The following CRB1 variants were observed in gnomAD, a reference collection of about 807,000 sequenced individuals.
CRB1 encodes protein crumbs homolog 1.
In CRB1, 83 loss-of-function variants were observed where a neutral mutation model predicts 120.0. The observed-to-expected ratio is 0.69, with a 90% CI of 0.58 to 0.83. CRB1 has a LOEUF of 0.83. Among genes scored for constraint, CRB1 ranks in the 40% least tolerant of loss-of-function variants. CRB1 has a pLI of 0.00. For synonymous variants in CRB1, 625 were observed against 612.5 expected (o/e 1.02, Z -0.30); for missense variants, 1,699 against 1,687.6 (o/e 1.01, Z -0.12).
At chr1:197,336,804 T>G (rs1358393345) in intron 2 of CRB1, among the ~76,000 whole-genome samples, 1 of 152,152 alleles carries the variant, frequency 6.6e-6, no homozygotes, top group Non-Finnish European at 1.5e-5. Flanking sequence ...ATAAACATCA[T>G]GCTGTGGAAG....
chr1:197,347,321 A>C lies in CRB1; in HGVS notation c.849-19A>C. The stretch of plus-strand genomic sequence containing the variant: ...CAATATGACTAAGAGTTGACATGAA[A>C]ATTTCATTTACTTTCCAGATATAGC... On this transcript the variant is annotated intron_variant, in intron 3 of 11. Transcript: ENST00000367400. The C allele has an allele frequency of 6.2e-7, 1 of 1,611,666 alleles. No homozygotes were observed. Among genetic ancestry groups the C allele is most frequent in the Non-Finnish European group, 8.5e-7 (1 of 1,177,812 alleles).
At chr1:197,231,258 T>A in the CRB1 span, among the ~76,000 whole-genome samples, 20 of 152,208 alleles carry the variant, frequency 1.3e-4, no homozygotes, top group Non-Finnish European at 2.5e-4. Context: ...TAAAATTATT[T>A]TTAGGGTTGC....
At chr1:197,348,894 TAAG>T (rs1028129302) in intron 4 of CRB1, among the ~76,000 whole-genome samples, 1 of 137,122 alleles carries the variant, frequency 7.3e-6, no homozygotes, top group Non-Finnish European at 1.5e-5. Flanking sequence ...TCTAGTACAC[TAAG>T]GTTAGTTTTT....
the CRB1 span, among the ~76,000 whole-genome samples, chr1:197,245,063 A>G: frequency 6.6e-6 from 1 of 150,516 alleles, no homozygotes; most frequent in East Asian, 2.0e-4. Flanking sequence ...GATACTTTCT[A>G]TTTCTTTTTT....
At chr1:197,392,937 C>T (rs1201344552) in intron 5 of CRB1, among the ~76,000 whole-genome samples, 6 of 151,980 alleles carry the variant, frequency 3.9e-5, no homozygotes, top group East Asian at 3.9e-4. Flanking sequence ...CTTGTAAATT[C>T]GGCACTTGAT....
chr1:197,425,876 T>C (rs956885187), intron 6 of CRB1, among the ~76,000 whole-genome samples: 1 of 152,024 alleles, frequency 6.6e-6, no homozygotes, highest in African/African-American at 2.4e-5. Flanking sequence ...TAATATGGTT[T>C]GGATGTATGC....
chr1:197,429,094 T>A lies in CRB1; in HGVS notation c.2677-355T>A, dbSNP rs143579873. The A allele has an allele frequency of 1.6e-4, 235 of 1,510,578 alleles. No homozygotes were observed. In the African/African-American group the frequency reaches 2.5e-3, roughly 16 times the overall value. The allele number at this position is 1,510,578 out of a possible 1,614,324, so 93.6% of individuals were successfully genotyped here. ...AACTGGAAACACCTTCTTTTTATCA[T>A]CTATAAAACCAGGAGTAAGAATCCC... is the stretch of plus-strand genomic sequence containing the variant. On this transcript the variant is annotated intron_variant, in intron 7 of 11. Coordinates refer to ENST00000367400, the MANE Select transcript of CRB1 (RefSeq NM_201253.3).
At chr1:197,318,414 G>A (rs1657982300) in intron 1 of CRB1, among the ~76,000 whole-genome samples, 1 of 152,146 alleles carries the variant, frequency 6.6e-6, no homozygotes, top group East Asian at 1.9e-4. Flanking sequence ...AATGAGTACA[G>A]CCATTTTGGA....
At chr1:197,428,095 A>C in intron 7 of CRB1, 94 bp downstream of exon 7, 4 of 1,165,438 alleles carry the variant, frequency 3.4e-6, no homozygotes, top group South Asian at 1.3e-5. Flanking sequence ...TTGTATATAA[A>C]GATGATGTTA....
At chr1:197,300,242 A>G (rs1396800976) in intron 1 of CRB1, among the ~76,000 whole-genome samples, 2 of 152,010 alleles carry the variant, frequency 1.3e-5, no homozygotes, top group Non-Finnish European at 2.9e-5. Context: ...GAACTGATTA[A>G]GCTTATGGAG....
At chr1:197,430,359 G>A (rs1226104540) in intron 8 of CRB1, among the ~76,000 whole-genome samples, 1 of 152,058 alleles carries the variant, frequency 6.6e-6, no homozygotes, top group Non-Finnish European at 1.5e-5. Flanking sequence ...CAAAGATTGT[G>A]CTCCTAAAAC....
At chr1:197,366,248 G>C (rs551939207) in intron 5 of CRB1, among the ~76,000 whole-genome samples, 1 of 151,522 alleles carries the variant, frequency 6.6e-6, no homozygotes, top group Non-Finnish European at 1.5e-5. Context: ...TTTGTTATAC[G>C]TCCATTTTAT....
the CRB1 span, among the ~76,000 whole-genome samples, chr1:197,236,928 A>G: frequency 7.5e-4 from 114 of 152,186 alleles, 2 homozygotes; most frequent in East Asian, 0.022. Context: ...ACTTGCTAGC[A>G]TTTTATTGAT....
At chr1:197,254,768 T>C in the CRB1 span, among the ~76,000 whole-genome samples, 1 of 152,146 alleles carries the variant, frequency 6.6e-6, no homozygotes, top group Non-Finnish European at 1.5e-5. Context: ...GCTAATCAAA[T>C]AATTGCTTTA....
chr1:197,411,408 T>G (rs893859917), intron 5 of CRB1, among the ~76,000 whole-genome samples: 1 of 152,218 alleles, frequency 6.6e-6, no homozygotes, highest in African/African-American at 2.4e-5. Context: ...TAATAATAAT[T>G]ATTAGTAAAT....
chr1:197,349,967 G>C (rs976884729), intron 4 of CRB1, among the ~76,000 whole-genome samples: 1 of 151,786 alleles, frequency 6.6e-6, no homozygotes, highest in African/African-American at 2.4e-5. Context: ...GGGCGCGGTG[G>C]CGGGCGCCTG....
chr1:197,414,428 A>C (rs1353420587), intron 5 of CRB1, among the ~76,000 whole-genome samples: 3 of 152,108 alleles, frequency 2.0e-5, no homozygotes. Flanking sequence ...TTTATCCATT[A>C]ATATGATTTA....
chr1:197,447,021 T>C (rs7515749), intron 11 of CRB1, among the ~76,000 whole-genome samples: 141,764 of 152,256 alleles, frequency 0.93, 66,899 homozygotes, highest in East Asian at 1. Flanking sequence ...TTATTTATTG[T>C]TCTGCAACAA....
Position 197,421,412 on chromosome 1 carries a change from C to CA in CRB1, c.1585dup (p.Arg529LysfsTer22). ...TGGCTCTTCTACTTTTCCGAAGCAA[C>CA]AGGGATGTGTTTGTGAAGCTGGAGC... On this transcript the variant is annotated frameshift_variant, in exon 6 of 12. Coordinates refer to ENST00000367400, the MANE Select transcript of CRB1 (RefSeq NM_201253.3). LOFTEE classifies it high-confidence loss of function. The CA allele has an allele frequency of 1.2e-6, 2 of 1,614,204 alleles. No individual in the cohort carries two copies. The highest frequency in any genetic ancestry group is 1.7e-6 in the Non-Finnish European group (2 of 1,180,044).
Sources: gnomAD v4.1 joint callset for allele counts (sites outside exome capture counted in the v4.1 genomes callset) on GRCh38, gnomAD v4.1.1 for gene constraint, MANE v1.5 for transcripts, NCBI Gene and HGNC (gene_info 2026-07-23, HGNC 2026-07-21) for gene names.